The following STX17 variants were observed in gnomAD, a reference collection of about 807,000 sequenced individuals.
The protein encoded by STX17 is syntaxin 17, also known as syntaxin-17.
In STX17, 29 loss-of-function variants were observed where a neutral mutation model predicts 35.9. The ratio of observed to expected loss-of-function variants is 0.81; its 90% confidence interval spans 0.60 to 1.10. STX17 has a LOEUF of 1.10. Ranked by LOEUF, STX17 falls within the 50% of genes least tolerant of loss-of-function variation. The pLI, the probability that STX17 is intolerant of heterozygous loss-of-function variation, is 0.00. For synonymous variants in STX17, 92 were observed against 118.3 expected (o/e 0.78, Z 1.44); for missense variants, 312 against 352.3 (o/e 0.89, Z 0.92).
chr9:99,918,114 A>G (rs1277779733), intron 2 of STX17, among the ~76,000 whole-genome samples: 1 of 152,044 alleles, frequency 6.6e-6, no homozygotes, highest in East Asian at 1.9e-4. Context: ...TTTTTCTCTC[A>G]GTGCATTTGT....
intron 1 of STX17, among the ~76,000 whole-genome samples, chr9:99,913,487 T>C (rs1828699033): frequency 6.6e-6 from 1 of 152,188 alleles, no homozygotes; most frequent in African/African-American, 2.4e-5. Context: ...TTACTTGTTT[T>C]ATATTCAGGC....
intron 3 of STX17, chr9:99,945,693 A>G (rs2118457749): frequency 2.7e-6 from 1 of 370,662 alleles, no homozygotes; most frequent in African/African-American, 2.2e-5. Context: ...TGTTTTTTTT[A>G]ATTTATCTAA....
rs574560117 is a variant in STX17, at chr9:99,957,753, T to C, written c.416-2164T>C. On this transcript the variant is annotated intron_variant, in intron 4 of 7. Coordinates refer to ENST00000259400, the MANE Select transcript of STX17 (RefSeq NM_017919.3). Reference sequence around the variant, plus strand: ...ACTGCAACCTCTGCCTCCCAGGTTCTAGTAATTCTTCTGCCTCAGCCTCCT... The same window carrying C: ...ACTGCAACCTCTGCCTCCCAGGTTCCAGTAATTCTTCTGCCTCAGCCTCCT... Among the ~76,000 whole-genome samples the C allele has an allele frequency of 2.0e-5, 3 of 151,238 alleles. No individual in the cohort carries two copies. In the South Asian group the frequency reaches 6.3e-4, roughly 32 times the overall value.
intron 6 of STX17, among the ~76,000 whole-genome samples, chr9:99,962,669 C>T (rs143301675): frequency 1.3e-4 from 20 of 152,200 alleles, no homozygotes; most frequent in Non-Finnish European, 2.4e-4. Context: ...GTAAGCAGCT[C>T]ATAACCTCTA....
chr9:99,932,094 T>C (rs1172441026), intron 3 of STX17, among the ~76,000 whole-genome samples: 2 of 152,198 alleles, frequency 1.3e-5, no homozygotes, highest in African/African-American at 4.8e-5. Context: ...TACAAAGTTA[T>C]AGAGGCAGAT....
intron 2 of STX17, among the ~76,000 whole-genome samples, chr9:99,924,164 G>T (rs1352935774): frequency 6.6e-6 from 1 of 152,172 alleles, no homozygotes; most frequent in African/African-American, 2.4e-5. Context: ...TTCCTCCAGG[G>T]TATGGGGCAG....
intron 3 of STX17, among the ~76,000 whole-genome samples, chr9:99,943,193 GC>G (rs1371894343): frequency 1.3e-5 from 2 of 152,274 alleles, no homozygotes; most frequent in East Asian, 1.9e-4. Flanking sequence ...GAGTGCAGTG[GC>G]GCGATCTCTG....
chr9:99,930,797 A>C (rs148109705), intron 3 of STX17, among the ~76,000 whole-genome samples: 1 of 152,186 alleles, frequency 6.6e-6, no homozygotes, highest in African/African-American at 2.4e-5. Flanking sequence ...TTGGAGATAA[A>C]TATAAGTAAT....
chr9:99,959,056 A>G (rs1489544913), intron 4 of STX17, among the ~76,000 whole-genome samples: 2 of 152,232 alleles, frequency 1.3e-5, no homozygotes, highest in Non-Finnish European at 2.9e-5. Flanking sequence ...TGTATCTGGT[A>G]TTTACATTGA....
intron 3 of STX17, among the ~76,000 whole-genome samples, chr9:99,934,023 C>T (rs1829178051): frequency 6.6e-6 from 1 of 151,972 alleles, no homozygotes; most frequent in Non-Finnish European, 1.5e-5. Context: ...AGTTTAAAAC[C>T]TTAGTAAAAG....
chr9:99,970,879 ATC>A lies in STX17; in HGVS notation c.*2211_*2212del, dbSNP rs1372627237. 9.2e-5 allele frequency among the ~76,000 whole-genome samples: 14 copies of A among 152,178 alleles called. No individual in the cohort carries two copies. Among genetic ancestry groups the A allele is most frequent in the African/African-American group, 2.9e-4 (12 of 41,444 alleles). ...TTTGAAGCTCACACTTGGTATTGGT[ATC>A]TCTCATTTTTACTGAGCCAGTGTGG... is the stretch of plus-strand genomic sequence containing the variant. On this transcript the variant is annotated 3_prime_UTR_variant, in exon 8 of 8. Transcript: ENST00000259400.
At chr9:99,923,902 A>G (rs1416413868) in intron 2 of STX17, among the ~76,000 whole-genome samples, 3 of 152,186 alleles carry the variant, frequency 2.0e-5, no homozygotes, top group Non-Finnish European at 4.4e-5. Flanking sequence ...ATGGGTGCAG[A>G]GCTTCCATGT....
intron 3 of STX17, among the ~76,000 whole-genome samples, chr9:99,948,726 T>C (rs1266235058): frequency 6.6e-6 from 1 of 152,184 alleles, no homozygotes; most frequent in East Asian, 1.9e-4. Flanking sequence ...TTGCTGTTAT[T>C]ATAGTATCAG....
At chr9:99,955,762 T>C (rs1441126161) in intron 4 of STX17, among the ~76,000 whole-genome samples, 1 of 152,016 alleles carries the variant, frequency 6.6e-6, no homozygotes, top group African/African-American at 2.4e-5. Context: ...CAGTGGTGAG[T>C]GATAGGTCCT....
chr9:99,959,456 CTTT>C (rs35078503), intron 4 of STX17, among the ~76,000 whole-genome samples: 67 of 111,052 alleles, frequency 6.0e-4, no homozygotes, highest in Non-Finnish European at 9.3e-4. Flanking sequence ...ATGGATAAAT[CTTT>C]TTTTTTTTTT....
In STX17 at chr9:99,969,561, A is replaced by C. The variant is rs1005524753; in HGVS notation, c.*888A>C. The stretch of plus-strand genomic sequence containing the variant: ...TAGGTAAAAAGAAAAGAAAAAAAGA[A>C]ATTTCGAGATATTTTCAACATTGTT... On this transcript the variant is annotated 3_prime_UTR_variant, in exon 8 of 8. Transcript: ENST00000259400. The C allele has an allele frequency of 6.6e-6, 1 of 152,432 alleles. No individual in the cohort carries two copies. Among genetic ancestry groups the C allele is most frequent in the Admixed American group, 6.5e-5 (1 of 15,274 alleles). The allele number at this position is 152,432 out of a possible 1,614,324, so 9.4% of individuals were successfully genotyped here. A position where few individuals can be genotyped will look rare whatever the true frequency, so the allele number is the denominator to read the frequency against.
At chr9:99,916,285 A>C (rs943388571) in intron 2 of STX17, 4 of 193,284 alleles carry the variant, frequency 2.1e-5, no homozygotes, top group South Asian at 8.3e-5. Context: ...AGTACTGAGC[A>C]TTAATTTGGC....
chr9:99,964,078 A>G (rs1042038932), intron 6 of STX17, among the ~76,000 whole-genome samples: 2 of 152,104 alleles, frequency 1.3e-5, no homozygotes, highest in Non-Finnish European at 2.9e-5. Context: ...CTTTACAACT[A>G]CTATCAGAAC....
At chr9:99,907,417 G>C (rs1393893307) in intron 1 of STX17, 1 of 152,200 alleles carries the variant, frequency 6.6e-6, no homozygotes, top group African/African-American at 2.4e-5. Context: ...TTGGGGGCTG[G>C]GTTTCCTGAG....
Sources: allele counts gnomAD v4.1 joint callset (sites outside exome capture counted in the v4.1 genomes callset), GRCh38; gene constraint gnomAD v4.1.1; transcripts MANE v1.5; gene names NCBI Gene and HGNC (gene_info 2026-07-23, HGNC 2026-07-21).